Variants in ELFN1 observed in about 807,000 individuals in gnomAD.
ELFN1 encodes protein ELFN1.
A neutral mutation model predicts 7.6 loss-of-function variants in ELFN1; 6 were observed. That is an observed-to-expected ratio of 0.79 (90% CI 0.43 to 1.56). The LOEUF is 1.56. ELFN1 is among the 40% of genes most tolerant of loss of function. The pLI is 0.01. For synonymous variants in ELFN1, 657 were observed against 588.1 expected (o/e 1.12, Z -1.70); for missense variants, 1,169 against 1,232.2 (o/e 0.95, Z 0.77).
rs776267027 is a variant in ELFN1 at position 1,746,949 on chromosome 7, C to G, written c.2353C>G (p.Arg785Gly). ...CTGGGAGCGCTTCAGACTGAGCCGCCGGCGGCACAAGGAGGAAGAGGAGTT... is the reference window on the plus strand; with the variant it reads ...CTGGGAGCGCTTCAGACTGAGCCGCGGGCGGCACAAGGAGGAAGAGGAGTT... ...SIWERFRLSRRRHKEEEEFMA... is the reference protein window; with the variant it reads ...SIWERFRLSRGRHKEEEEFMA... The change falls in exon 4 of 4, where the codon CGG becomes GGG. Residue 785 changes from arginine (R) to glycine (G), a missense_variant. Transcript: ENST00000424383. The G allele has an allele frequency of 6.4e-7, 1 of 1,550,844 alleles. No homozygotes were observed. The highest frequency in any genetic ancestry group is 2.0e-5 in the Admixed American group (1 of 50,966).
chr7:1,745,595 C>T lies in ELFN1; in HGVS notation c.999C>T (p.Val333=), dbSNP rs1257148032. The T allele has an allele frequency of 7.7e-6, 12 of 1,550,808 alleles. No homozygotes were observed. Among genetic ancestry groups the T allele is most frequent in the African/African-American group, 1.4e-5 (1 of 73,038 alleles). Residue 333 remains valine, a synonymous_variant, in exon 4 of 4, where the codon GTC becomes GTT. Transcript: ENST00000424383. ...CTCAGAACTCGGCCACCATCACCGT[C>T]CAGCTGCCCAGCCCGTTCCACCGGA... ...QLTQNSATIT[V]QLPSPFHRMY...
rs1369025897 is a variant in ELFN1, at chr7:1,745,465, C to T, written c.869C>T (p.Ala290Val). Residue 290 changes from alanine to valine, a missense_variant, in exon 4 of 4, where the codon GCC (alanine) becomes GTC (valine). By Grantham distance (64) the Ala-to-Val change is moderately conservative. This residue lies in a region of ELFN1 where 914 missense variants were observed against 872.6 expected (regional missense o/e 1.05). Coordinates refer to ENST00000424383, the MANE Select transcript of ELFN1 (RefSeq NM_001128636.4). ...PPPEPSDMPCADDECFSGDGT... is the reference protein window; with the variant it reads ...PPPEPSDMPCVDDECFSGDGT... Reference sequence around the variant, plus strand: ...CCGGAGCCCAGTGACATGCCCTGTGCCGATGATGAGTGCTTCTCCGGGGAC... The same window carrying T: ...CCGGAGCCCAGTGACATGCCCTGTGTCGATGATGAGTGCTTCTCCGGGGAC... The T allele has an allele frequency of 1.3e-6, 2 of 1,541,478 alleles. No homozygotes were observed. Among genetic ancestry groups the T allele is most frequent in the Non-Finnish European group, 1.7e-6 (2 of 1,146,706 alleles).
Position 1,671,655 on chromosome 7 carries a change from G to T in ELFN1, c.-549+1301G>T, listed in dbSNP as rs1023491367. 2.6e-5 allele frequency among the ~76,000 whole-genome samples: 4 copies of T among 152,260 alleles called. No homozygotes were observed. The East Asian group carries it at 7.7e-4, about 29-fold the overall frequency. ...CTTGGGGGAAACCCCATTGGGTTGG[G>T]CATAGGTTGCTTGAAAAGCATCAAC... On this transcript the variant is annotated intron_variant, in intron 1 of 3. Transcript: ENST00000424383.
upstream of ELFN1, among the ~76,000 whole-genome samples, chr7:1,669,773 A>G (rs1261526680): frequency 6.6e-6 from 1 of 152,116 alleles, no homozygotes; most frequent in East Asian, 1.9e-4. Context: ...TAAGGGGCGG[A>G]CCGACGGGAG....
rs900820693 is a variant in ELFN1 at position 1,744,500 on chromosome 7, C to A, written c.-97C>A. 1.3e-5 allele frequency: 17 copies of A among 1,339,328 alleles called. No homozygotes were observed. In the South Asian group the frequency reaches 1.9e-4, roughly 15 times the overall value. 83.0% of individuals were successfully genotyped at this position (1,339,328 alleles called of 1,614,324 possible). A position where few individuals can be genotyped will look rare whatever the true frequency, so the allele number is the denominator to read the frequency against. ...ACACCCCTGAGAGTGCAGGCACCTC[C>A]CCCTCCCGCCCCTCCATCCCTCTGG... is the stretch of plus-strand genomic sequence containing the variant. On this transcript the variant is annotated 5_prime_UTR_variant, in exon 4 of 4. Transcript: ENST00000424383.
intron 1 of ELFN1, among the ~76,000 whole-genome samples, chr7:1,671,117 C>T (rs1778757304): frequency 6.6e-6 from 1 of 151,862 alleles, no homozygotes; most frequent in Non-Finnish European, 1.5e-5. Flanking sequence ...CTGCAGGTCA[C>T]CTGCTTGATG....
At chr7:1,726,678 G>A (rs1296183775) in intron 3 of ELFN1, among the ~76,000 whole-genome samples, 2 of 152,226 alleles carry the variant, frequency 1.3e-5, no homozygotes, top group Non-Finnish European at 2.9e-5. Flanking sequence ...GATACAGACA[G>A]GTGAGCAGGT....
chr7:1,708,686 C>T (rs1045099165), intron 2 of ELFN1, among the ~76,000 whole-genome samples: 2 of 151,992 alleles, frequency 1.3e-5, no homozygotes, highest in African/African-American at 4.8e-5. Flanking sequence ...GGAAGGTTCC[C>T]ACGGACCCAA....
chr7:1,696,716 G>A (rs1779321739), intron 2 of ELFN1, among the ~76,000 whole-genome samples: 1 of 152,104 alleles, frequency 6.6e-6, no homozygotes, highest in African/African-American at 2.4e-5. Flanking sequence ...ATCCTTCCTT[G>A]TAAAGGCTCT....
intron 1 of ELFN1, among the ~76,000 whole-genome samples, chr7:1,678,293 G>A (rs1286143166): frequency 6.6e-6 from 1 of 152,160 alleles, no homozygotes; most frequent in African/African-American, 2.4e-5. Flanking sequence ...TGGGACTTCA[G>A]CTCCCATCCT....
intron 2 of ELFN1, 109 bp from the exon 3 acceptor site, chr7:1,708,982 G>A (rs1418268278): frequency 6.6e-6 from 1 of 152,264 alleles, no homozygotes; most frequent in Non-Finnish European, 1.5e-5. Context: ...TCCGACACGT[G>A]TGACTGACAG....
At chr7:1,686,314 T>C (rs76203716) in intron 1 of ELFN1, among the ~76,000 whole-genome samples, 74 of 100,372 alleles carry the variant, frequency 7.4e-4, no homozygotes, top group Middle Eastern at 5.4e-3. Context: ...TGTCCTTGTT[T>C]TTTTTTTTTT....
At position 1,747,873 on chromosome 7, in the gene ELFN1, CTA is replaced by C. The variant is rs1298418232; in HGVS notation, c.*792_*793del. On this transcript the variant is annotated 3_prime_UTR_variant, in exon 4 of 4. Coordinates refer to ENST00000424383, the MANE Select transcript of ELFN1 (RefSeq NM_001128636.4). Reference sequence around the variant, plus strand: ...CTGTAAAATGAGAAAGAAAAAAAGACTATGTCTACTAAAAAAAAAAAAAAAAA... The same window carrying C: ...CTGTAAAATGAGAAAGAAAAAAAGACTGTCTACTAAAAAAAAAAAAAAAAA... The C allele has an allele frequency of 2.6e-5, 3 of 117,122 alleles. No homozygotes were observed. Among genetic ancestry groups the C allele is most frequent in the African/African-American group, 3.8e-5 (1 of 26,006 alleles). The allele number at this position is 117,122 out of a possible 1,614,324, so 7.3% of individuals were successfully genotyped here. A position where few individuals can be genotyped will look rare whatever the true frequency, so the allele number is the denominator to read the frequency against.
upstream of ELFN1, among the ~76,000 whole-genome samples, chr7:1,670,102 A>AG (rs1012178151): frequency 7.9e-6 from 1 of 126,590 alleles, no homozygotes. The surrounding 1 kb of genome is among the most constrained non-coding windows in gnomAD (Gnocchi z 6.4). Flanking sequence ...GCGGAGGAAG[A>AG]GGGGGTGGAA....
At chr7:1,696,302 GAGAA>G (rs1473336037) in intron 2 of ELFN1, among the ~76,000 whole-genome samples, 2 of 151,556 alleles carry the variant, frequency 1.3e-5, no homozygotes, top group East Asian at 3.9e-4. Context: ...GAGAGGGAGA[GAGAA>G]AGAGGGAGGG....
At chr7:1,741,859 A>AGG (rs751873719) in intron 3 of ELFN1, among the ~76,000 whole-genome samples, 1 of 151,572 alleles carries the variant, frequency 6.6e-6, no homozygotes, top group South Asian at 2.1e-4. Context: ...CTGCCCAGAC[A>AGG]GGGGGTCCTC....
upstream of ELFN1, among the ~76,000 whole-genome samples, chr7:1,668,350 A>G (rs1778703191): frequency 6.6e-6 from 1 of 152,234 alleles, no homozygotes; most frequent in Non-Finnish European, 1.5e-5. Context: ...CGCAGGGCAC[A>G]CGGGGGACAC....
At chr7:1,686,417 A>T (rs1289547761) in intron 1 of ELFN1, among the ~76,000 whole-genome samples, 6 of 145,572 alleles carry the variant, frequency 4.1e-5, no homozygotes, top group Admixed American at 3.6e-4. Context: ...GGCTTGAGTT[A>T]TACTCCCACC....
chr7:1,672,723 G>A (rs2128572989), intron 1 of ELFN1, among the ~76,000 whole-genome samples: 1 of 152,056 alleles, frequency 6.6e-6, no homozygotes, highest in Non-Finnish European at 1.5e-5. Flanking sequence ...CCCACCCCAG[G>A]ATCCCTTCCC....
Sources: gnomAD v4.1 joint callset for allele counts (sites outside exome capture counted in the v4.1 genomes callset) on GRCh38, gnomAD v4.1.1 for gene constraint, gnomAD v4.1.1 regional missense constraint, Gnocchi (gnomAD v3.1) non-coding constraint, MANE v1.5 for transcripts, NCBI Gene and HGNC (gene_info 2026-07-23, HGNC 2026-07-21) for gene names.